The following GPSM1 variants were observed in gnomAD, a reference collection of about 807,000 sequenced individuals.
The protein encoded by GPSM1 is G protein signaling modulator 1.
In GPSM1, 48 loss-of-function variants were observed where a neutral mutation model predicts 70.5. The observed-to-expected ratio is 0.68, with a 90% CI of 0.54 to 0.87. The LOEUF is 0.87. Among genes scored for constraint, GPSM1 ranks in the 40% least tolerant of loss-of-function variants. The pLI is 0.00. For synonymous variants in GPSM1, 416 were observed against 430.1 expected (o/e 0.97, Z 0.41); for missense variants, 981 against 972.6 (o/e 1.01, Z -0.11).
At chr9:136,349,986 C>T (rs563194398) in intron 11 of GPSM1, among the ~76,000 whole-genome samples, 3 of 152,310 alleles carry the variant, frequency 2.0e-5, no homozygotes, top group East Asian at 3.9e-4. Flanking sequence ...TCAGAGGCCC[C>T]GGCCACCGAG....
intron 12 of GPSM1, 126 bp from the exon 13 acceptor site, chr9:136,356,216 A>C: frequency 1.3e-6 from 1 of 756,530 alleles, no homozygotes; most frequent in Non-Finnish European, 2.1e-6. Flanking sequence ...CTCCCCCAGG[A>C]GCCATGGCCC....
chr9:136,332,540 G>A (rs1156361691), intron 1 of GPSM1, among the ~76,000 whole-genome samples: 2 of 152,242 alleles, frequency 1.3e-5, no homozygotes, highest in African/African-American at 2.4e-5. Context: ...CCTGGAAGGA[G>A]GGGGCAGTAA....
intron 1 of GPSM1, chr9:136,331,927 T>C (rs1832109403): frequency 2.5e-6 from 1 of 397,872 alleles, no homozygotes; most frequent in Non-Finnish European, 4.4e-6. Context: ...CAGGGAAGCC[T>C]AAGGCCAGCC....
intron 11 of GPSM1, chr9:136,354,699 G>T: frequency 2.2e-6 from 1 of 461,196 alleles, no homozygotes; most frequent in Non-Finnish European, 2.9e-6. Flanking sequence ...CCCCTTGGGG[G>T]GCCACAGGAG....
At chr9:136,333,100 C>T (rs1015220412) in intron 1 of GPSM1, among the ~76,000 whole-genome samples, 2 of 152,228 alleles carry the variant, frequency 1.3e-5, no homozygotes, top group African/African-American at 4.8e-5. Context: ...CTGCAAGCAG[C>T]CGAGGCTGAA....
In GPSM1 at chr9:136,340,870, A is replaced by G. The variant is rs782334274; in HGVS notation, c.1084A>G (p.Ile362Val). ...CGCTCCGCCACCCCACTCGCCGCAG[A>G]TCGGGGACCGCCATGGGGAGCTCAC... is the stretch of plus-strand genomic sequence containing the variant. ...AKKHLQISQE[I>V]GDRHGELTAR... Residue 362 changes from isoleucine to valine, a missense_variant and splice_region_variant, in exon 9 of 14, where the codon ATC becomes GTC. Transcript: ENST00000440944. This position sits in a 1 kb window ranked among gnomAD's most constrained non-coding sequence, Gnocchi z 7.3. 43 of 1,570,496 alleles carry G rather than the reference A, an allele frequency of 2.7e-5. No homozygotes were observed. The East Asian group carries it at 3.0e-4, about 11-fold the overall frequency.
chr9:136,335,874 G>A, intron 2 of GPSM1, 92 bp from the exon 3 acceptor site: 1 of 1,319,498 alleles, frequency 7.6e-7, no homozygotes, highest in African/African-American at 1.4e-5. Context: ...GGTCCCTGAG[G>A]CCCAGCTACC....
chr9:136,356,512 C>G lies in GPSM1; in HGVS notation c.1783C>G (p.Pro595Ala). Residue 595 changes from proline to alanine, a missense_variant, in exon 13 of 14, where the codon CCG (proline) becomes GCG (alanine). Transcript: ENST00000440944. ...CCGAGGCCACGGCGAGCCCCAGGAG[C>G]CGGGGGACGACTTCTTCAACATGCT... Reference protein sequence around the residue: ...HLRGHGEPQEPGDDFFNMLIK... With the variant: ...HLRGHGEPQEAGDDFFNMLIK... The G allele has an allele frequency of 6.2e-7, 1 of 1,611,940 alleles. No homozygotes were observed. The highest frequency in any genetic ancestry group is 8.5e-7 in the Non-Finnish European group (1 of 1,179,332).
intron 11 of GPSM1, among the ~76,000 whole-genome samples, chr9:136,351,661 C>G (rs1554772089): frequency 2.0e-5 from 3 of 152,100 alleles, no homozygotes; most frequent in Non-Finnish European, 4.4e-5. Context: ...CTCTGGAGGC[C>G]TTGGCCAGGG....
At chr9:136,337,791 A>T in intron 5 of GPSM1, 55 bp from the exon 6 acceptor site, 1 of 1,386,072 alleles carries the variant, frequency 7.2e-7, no homozygotes, top group Non-Finnish European at 1.0e-6. Flanking sequence ...CTGTCCGCCC[A>T]CGTCAGGCCC....
At chr9:136,354,152 G>A (rs782249979) in intron 11 of GPSM1, among the ~76,000 whole-genome samples, 1 of 152,208 alleles carries the variant, frequency 6.6e-6, no homozygotes, top group Non-Finnish European at 1.5e-5. Context: ...CCAGGGGCCA[G>A]AGCCAGGTGG....
chr9:136,356,839 G>A (rs1409351098), intron 13 of GPSM1, among the ~76,000 whole-genome samples: 4 of 152,168 alleles, frequency 2.6e-5, no homozygotes, highest in Non-Finnish European at 5.9e-5. Flanking sequence ...CTCGGGGTGG[G>A]GGCTGGGGGG....
intron 9 of GPSM1, among the ~76,000 whole-genome samples, chr9:136,347,832 C>T (rs1247270469): frequency 6.6e-6 from 1 of 152,210 alleles, no homozygotes; most frequent in Non-Finnish European, 1.5e-5. Flanking sequence ...AGGTAGGGCC[C>T]ACTCTCCCAA....
chr9:136,355,792 G>A lies in GPSM1; in HGVS notation c.1558G>A (p.Gly520Ser), dbSNP rs543151667. ...MDDQRCPLDD[G>S]QAGAAEATAA... ...CGACCAGCGTTGTCCCCTGGACGAT[G>A]GCCAGGCCGGGGCTGCCGAGGCCAC... Residue 520 changes from glycine (G) to serine (S), a missense_variant, in exon 12 of 14, where the codon GGC becomes AGC. Coordinates refer to ENST00000440944, the MANE Select transcript of GPSM1 (RefSeq NM_001145638.3). The A allele has an allele frequency of 9.3e-6, 15 of 1,612,102 alleles. No individual in the cohort carries two copies. In the South Asian group the frequency reaches 1.1e-4, roughly 12 times the overall value.
chr9:136,344,333 C>G (rs571827411), intron 9 of GPSM1, among the ~76,000 whole-genome samples: 25 of 152,152 alleles, frequency 1.6e-4, no homozygotes, highest in Non-Finnish European at 3.2e-4. Context: ...TTCCGACTGC[C>G]CTCACAAAGC....
At chr9:136,345,560 T>C (rs545236867) in intron 9 of GPSM1, among the ~76,000 whole-genome samples, 2 of 152,300 alleles carry the variant, frequency 1.3e-5, no homozygotes, top group South Asian at 4.1e-4. Flanking sequence ...GGCCCATCCA[T>C]GCGGTGTCCT....
rs1278475751 is a variant in GPSM1, at chr9:136,337,885, G to A, written c.742G>A (p.Glu248Lys). The A allele has an allele frequency of 1.5e-5, 24 of 1,612,318 alleles. No individual in the cohort carries two copies. The highest frequency in any genetic ancestry group is 5.0e-5 in the Admixed American group (3 of 59,956). ...IAKEFGDKAA[E>K]RRAYSNLGNA... ...TAAGGAGTTTGGAGACAAGGCAGCC[G>A]AGAGGAGGGCCTACAGCAACCTGGG... is the stretch of plus-strand genomic sequence containing the variant. The change falls in exon 6 of 14, where the codon GAG becomes AAG. Residue 248 changes from glutamate to lysine, a missense_variant. By Grantham distance (56) the Glu-to-Lys change is moderately conservative. Coordinates refer to ENST00000440944, the MANE Select transcript of GPSM1 (RefSeq NM_001145638.3).
At position 136,355,700 on chromosome 9, in the gene GPSM1, G is replaced by A. The variant is rs1313323587; in HGVS notation, c.1466G>A (p.Arg489Lys). The A allele has an allele frequency of 6.2e-7, 1 of 1,612,172 alleles. No individual in the cohort carries two copies. The highest frequency in any genetic ancestry group is 1.1e-5 in the South Asian group (1 of 91,062). Residue 489 changes from arginine to lysine, a missense_variant, in exon 12 of 14, where the codon AGG becomes AAG. By Grantham distance (26) the Arg-to-Lys change is conservative. Transcript: ENST00000440944. ...CCACTCCCTCCCCAGAGCATCCCGA[G>A]GGCCCCGTCTTCGGACGAGGAGTGC... ...RVHVPRTSIPRAPSSDEECFF... is the reference protein window; with the variant it reads ...RVHVPRTSIPKAPSSDEECFF...
chr9:136,344,657 G>T (rs1403537440), intron 9 of GPSM1, among the ~76,000 whole-genome samples: 1 of 152,242 alleles, frequency 6.6e-6, no homozygotes, highest in Non-Finnish European at 1.5e-5. Flanking sequence ...GCAAAGACTG[G>T]AAGTCAGAGA....
Sources: allele counts gnomAD v4.1 joint callset (sites outside exome capture counted in the v4.1 genomes callset), GRCh38; gene constraint gnomAD v4.1.1; non-coding constraint Gnocchi (gnomAD v3.1); transcripts MANE v1.5; gene names NCBI Gene and HGNC (gene_info 2026-07-23, HGNC 2026-07-21).